XKR9: variants seen among roughly 807,000 people sequenced by gnomAD.
XKR9 encodes the protein XK related 9, also known as XK-related protein 9.
A neutral mutation model predicts 32.0 loss-of-function variants in XKR9; 32 were observed. The ratio of observed to expected loss-of-function variants is 1.00; its 90% CI spans 0.76 to 1.34. XKR9 has a LOEUF of 1.34. XKR9 is among the 40% of genes most tolerant of loss of function. XKR9 has a pLI of 0.00. For synonymous variants in XKR9, 168 were observed against 143.4 expected (o/e 1.17, Z -1.22); for missense variants, 546 against 429.7 (o/e 1.27, Z -2.39).
At chr8:70,813,445 T>C in the XKR9 span, among the ~76,000 whole-genome samples, 1 of 152,124 alleles carries the variant, frequency 6.6e-6, no homozygotes, top group African/African-American at 2.4e-5. Flanking sequence ...ACAAACATGA[T>C]GCAATTAAAC....
chr8:71,056,650 G>T, the XKR9 span, among the ~76,000 whole-genome samples: 1 of 152,124 alleles, frequency 6.6e-6, no homozygotes, highest in Non-Finnish European at 1.5e-5. Flanking sequence ...TCATGAAATA[G>T]TTGTGAAGAT....
chr8:70,885,711 C>T, the XKR9 span, among the ~76,000 whole-genome samples: 6 of 152,122 alleles, frequency 3.9e-5, no homozygotes, highest in African/African-American at 9.7e-5. Context: ...ATTCTCCTGC[C>T]TCAGCCTCCT....
rs563070170 is a variant in XKR9, at chr8:70,673,865, C to T, written c.-360-953C>T. ...AAGAAATCAGATCAAATATTTTTCA[C>T]GTTCTGTTCAGTTACACTTACAATA... is the stretch of plus-strand genomic sequence containing the variant. On this transcript the variant is annotated intron_variant, in intron 1 of 4. Coordinates refer to ENST00000408926, the MANE Select transcript of XKR9 (RefSeq NM_001011720.2). Among the ~76,000 whole-genome samples, 63 of 152,186 alleles carry T rather than the reference C, an allele frequency of 4.1e-4. 1 individual carries two copies. Among genetic ancestry groups the T allele is most frequent in the Middle Eastern group, 3.4e-3 (1 of 294 alleles).
At chr8:70,941,069 C>A in the XKR9 span, among the ~76,000 whole-genome samples, 1 of 152,036 alleles carries the variant, frequency 6.6e-6, no homozygotes, top group African/African-American at 2.4e-5. Context: ...CTACTACCAC[C>A]ATCTAGTTCC....
intron 4 of XKR9, among the ~76,000 whole-genome samples, chr8:70,725,694 TC>T (rs1300879305): frequency 6.6e-6 from 1 of 152,098 alleles, no homozygotes; most frequent in African/African-American, 2.4e-5. Flanking sequence ...TCACTTAAGG[TC>T]AGGAGTTCAA....
the XKR9 span, among the ~76,000 whole-genome samples, chr8:70,878,891 C>T: frequency 6.6e-6 from 1 of 152,086 alleles, no homozygotes; most frequent in Non-Finnish European, 1.5e-5. Context: ...CCAAAATTGA[C>T]CACATAGTTG....
chr8:71,024,986 G>A, the XKR9 span, among the ~76,000 whole-genome samples: 2 of 152,152 alleles, frequency 1.3e-5, no homozygotes, highest in African/African-American at 4.8e-5. Context: ...TGTTTATTGA[G>A]CATTTCCTAT....
At chr8:70,719,240 C>G (rs1007089700) in intron 4 of XKR9, among the ~76,000 whole-genome samples, 1 of 152,048 alleles carries the variant, frequency 6.6e-6, no homozygotes, top group Non-Finnish European at 1.5e-5. Context: ...AAAATTTTCT[C>G]TCATTCTGTA....
chr8:71,012,165 C>T, the XKR9 span, among the ~76,000 whole-genome samples: 11 of 152,134 alleles, frequency 7.2e-5, no homozygotes, highest in South Asian at 6.2e-4. Context: ...ATCCTGTCTT[C>T]GAGGACTTGA....
chr8:70,781,852 T>G (rs989533672), intron 2 of XKR9, among the ~76,000 whole-genome samples: 4 of 152,194 alleles, frequency 2.6e-5, no homozygotes, highest in African/African-American at 9.6e-5. Context: ...ATTAGTTCCA[T>G]AAAATATTTA....
chr8:70,866,758 T>TGCAGGCATGAGCCA, the XKR9 span, among the ~76,000 whole-genome samples: 6 of 151,982 alleles, frequency 3.9e-5, no homozygotes, highest in African/African-American at 1.4e-4. Flanking sequence ...GTGCTGGGAT[T>TGCAGGCATGAGCCA]GCAGGCATGA....
At chr8:71,031,096 C>A in the XKR9 span, among the ~76,000 whole-genome samples, 2 of 152,142 alleles carry the variant, frequency 1.3e-5, no homozygotes, top group Non-Finnish European at 2.9e-5. Flanking sequence ...AAAATGGAGA[C>A]TACATTCTAT....
chr8:71,055,056 C>CAT, the XKR9 span, among the ~76,000 whole-genome samples: 13 of 152,146 alleles, frequency 8.5e-5, no homozygotes, highest in Middle Eastern at 3.4e-3. Context: ...TTAATGATGT[C>CAT]CCAGCCTAAC....
chr8:70,914,249 A>G, the XKR9 span, among the ~76,000 whole-genome samples: 9 of 152,156 alleles, frequency 5.9e-5, no homozygotes, highest in Non-Finnish European at 1.0e-4. Context: ...GGTTGAGTAT[A>G]CACATAGAAG....
the XKR9 span, among the ~76,000 whole-genome samples, chr8:71,003,893 A>G: frequency 1.3e-5 from 2 of 152,214 alleles, no homozygotes; most frequent in South Asian, 2.1e-4. Flanking sequence ...AACCAATAAT[A>G]TTACAAAACC....
At chr8:70,829,682 T>A in the XKR9 span, among the ~76,000 whole-genome samples, 1 of 152,180 alleles carries the variant, frequency 6.6e-6, no homozygotes, top group Non-Finnish European at 1.5e-5. Context: ...CCTCCTCACC[T>A]CGTGATCCTC....
chr8:70,891,991 T>A, the XKR9 span, among the ~76,000 whole-genome samples: 1 of 152,100 alleles, frequency 6.6e-6, no homozygotes, highest in Non-Finnish European at 1.5e-5. Context: ...CTGCATTGAT[T>A]CCTTCATTAT....
the XKR9 span, among the ~76,000 whole-genome samples, chr8:70,834,723 T>C: frequency 6.6e-6 from 1 of 152,172 alleles, no homozygotes; most frequent in African/African-American, 2.4e-5. Context: ...AGAATTATGC[T>C]GAGCAGGACA....
At chr8:71,064,959 A>G in the XKR9 span, among the ~76,000 whole-genome samples, 2 of 152,176 alleles carry the variant, frequency 1.3e-5, no homozygotes, top group African/African-American at 4.8e-5. Context: ...GAGTATGAAT[A>G]AAACTTGCCT....
Sources: gnomAD v4.1 joint callset for allele counts (sites outside exome capture counted in the v4.1 genomes callset) on GRCh38, gnomAD v4.1.1 for gene constraint, MANE v1.5 for transcripts, NCBI Gene and HGNC (gene_info 2026-07-23, HGNC 2026-07-21) for gene names.